The following BCAS3 variants were observed in gnomAD, a reference collection of about 807,000 sequenced individuals.
BCAS3 encodes the protein BCAS3 microtubule associated cell migration factor.
In BCAS3, 53 loss-of-function variants were observed where a neutral mutation model predicts 116.1. The ratio of observed to expected loss-of-function variants is 0.46; its 90% CI spans 0.37 to 0.57. BCAS3 has a LOEUF of 0.57. BCAS3 is among the 20% of genes least tolerant of loss of function. The pLI is 0.00. For synonymous variants in BCAS3, 391 were observed against 408.2 expected (o/e 0.96, Z 0.51); for missense variants, 917 against 1,165.4 (o/e 0.79, Z 3.10).
In BCAS3 at chr17:61,332,894, G is replaced by A. The variant is rs148675187; in HGVS notation, c.2426-35433G>A. The stretch of plus-strand genomic sequence containing the variant: ...GCCTCCCAAAGTGCTGGGATTATAG[G>A]CGTGAGCCATGGCACCCGGCCTATC... On this transcript the variant is annotated intron_variant, in intron 22 of 23. Transcript: ENST00000407086. This position sits in a 1 kb window ranked among gnomAD's most constrained non-coding sequence, Gnocchi z 5.4. 0.011 allele frequency among the ~76,000 whole-genome samples: 1,717 copies of A among 152,324 alleles called. 25 individuals are homozygous for A. The highest frequency in any genetic ancestry group is 0.036 in the African/African-American group (1,510 of 41,572).
rs115284902 is a variant in BCAS3 at position 61,261,990 on chromosome 17, A to G, written c.2426-106337A>G. Among the ~76,000 whole-genome samples the G allele has an allele frequency of 0.022, 3,333 of 152,314 alleles. 119 individuals carry two copies. The highest frequency in any genetic ancestry group is 0.075 in the African/African-American group (3,115 of 41,550). On this transcript the variant is annotated intron_variant, in intron 22 of 23. Coordinates refer to ENST00000407086, the MANE Select transcript of BCAS3 (RefSeq NM_017679.5). This position sits in a 1 kb window ranked among gnomAD's most constrained non-coding sequence, Gnocchi z 4.4. ...ATGTCCACGAATACCGTTTCTATTCAGTGTTATACTAGAAGTACTACCCAG... is the reference window on the plus strand; with the variant it reads ...ATGTCCACGAATACCGTTTCTATTCGGTGTTATACTAGAAGTACTACCCAG...
intron 22 of BCAS3, among the ~76,000 whole-genome samples, chr17:61,359,138 T>TA (rs1952105997): frequency 6.6e-6 from 1 of 152,108 alleles, no homozygotes; most frequent in African/African-American, 2.4e-5. Flanking sequence ...CAGGCTCCAG[T>TA]ATTTCTCCTC....
At position 61,145,850 on chromosome 17, in the gene BCAS3, A is replaced by T. The variant is rs758542; in HGVS notation, c.2425+61286A>T. Among the ~76,000 whole-genome samples the T allele has an allele frequency of 0.93, 141,785 of 152,004 alleles. 66,904 individuals are homozygous for T. The highest frequency in any genetic ancestry group is 1 in the East Asian group (5,144 of 5,144). Reference sequence around the variant, plus strand: ...AGGTTTGATTTGAACTTCATGTACAAGACATATTTCATTTTTTTTTCTTCC... The same window carrying T: ...AGGTTTGATTTGAACTTCATGTACATGACATATTTCATTTTTTTTTCTTCC... On this transcript the variant is annotated intron_variant, in intron 22 of 23. Transcript: ENST00000407086. This position sits in a 1 kb window ranked among gnomAD's most constrained non-coding sequence, Gnocchi z 5.0.
At chr17:61,146,532 A>G (rs1469401297) in intron 22 of BCAS3, among the ~76,000 whole-genome samples, 1 of 152,030 alleles carries the variant, frequency 6.6e-6, no homozygotes, top group Non-Finnish European at 1.5e-5. Flanking sequence ...TCTCCCCACA[A>G]CCCTCAAATA....
rs545830913 is a variant in BCAS3, at chr17:61,042,582, T to C, written c.2029+1690T>C. 5.9e-5 allele frequency among the ~76,000 whole-genome samples: 9 copies of C among 152,008 alleles called. No individual in the cohort carries two copies. In the South Asian group the frequency reaches 1.7e-3, roughly 28 times the overall value. On this transcript the variant is annotated intron_variant, in intron 19 of 23. Coordinates refer to ENST00000407086, the MANE Select transcript of BCAS3 (RefSeq NM_017679.5). ...AAGCATAGGAATGACACCATCAAAA[T>C]TGTATTTTAGAAAGATCATTCTGGG... is the stretch of plus-strand genomic sequence containing the variant.
intron 6 of BCAS3, among the ~76,000 whole-genome samples, chr17:60,752,580 T>A (rs1316959010): frequency 2.6e-5 from 4 of 151,932 alleles, no homozygotes; most frequent in African/African-American, 4.8e-5. Context: ...CCCTCCACCA[T>A]GCCTGGCTAA....
intron 16 of BCAS3, among the ~76,000 whole-genome samples, chr17:61,022,582 A>G (rs536516952): frequency 1.7e-4 from 26 of 152,066 alleles, no homozygotes; most frequent in East Asian, 7.8e-4. Context: ...ATAAATTTCT[A>G]CAGAAGTTTG....
Position 61,041,022 on chromosome 17 carries a change from A to G in BCAS3, c.2029+130A>G. On this transcript the variant is annotated intron_variant, in intron 19 of 23. Coordinates refer to ENST00000407086, the MANE Select transcript of BCAS3 (RefSeq NM_017679.5). This position sits in a 1 kb window ranked among gnomAD's most constrained non-coding sequence, Gnocchi z 4.7. ...GCCTTAAAGAATCAGTTTGAGGCAA[A>G]TAAGATATTTAATATGAATATAAAC... 2.9e-6 allele frequency: 2 copies of G among 680,694 alleles called. No individual in the cohort carries two copies. The highest frequency in any genetic ancestry group is 1.9e-5 in the South Asian group (1 of 51,420). 42.2% of individuals were successfully genotyped at this position (680,694 alleles called of 1,614,324 possible). A position where few individuals can be genotyped will look rare whatever the true frequency, so the allele number is the denominator to read the frequency against.
chr17:61,098,041 G>A lies in BCAS3; in HGVS notation c.2425+13477G>A, dbSNP rs2074090550. ...TAGGCAACAACTGACAGGCCTGACT[G>A]GTCATTGGCTTTCCATTCCTGGCAT... On this transcript the variant is annotated intron_variant, in intron 22 of 23. Coordinates refer to ENST00000407086, the MANE Select transcript of BCAS3 (RefSeq NM_017679.5). This position sits in a 1 kb window ranked among gnomAD's most constrained non-coding sequence, Gnocchi z 4.2. Among the ~76,000 whole-genome samples the A allele has an allele frequency of 6.6e-6, 1 of 152,166 alleles. No individual in the cohort carries two copies. The highest frequency in any genetic ancestry group is 2.4e-5 in the African/African-American group (1 of 41,448).
At chr17:61,299,424 C>G (rs1382949531) in intron 22 of BCAS3, among the ~76,000 whole-genome samples, 12 of 111,454 alleles carry the variant, frequency 1.1e-4, no homozygotes, top group African/African-American at 4.5e-4. Context: ...GCCTGGGTGA[C>G]AGAGCGAGAC....
chr17:60,861,566 T>A (rs1306364791), intron 7 of BCAS3, among the ~76,000 whole-genome samples: 1 of 152,192 alleles, frequency 6.6e-6, no homozygotes, highest in Non-Finnish European at 1.5e-5. Flanking sequence ...TTTGTCTTGT[T>A]CTGGTTCTCA....
chr17:60,812,709 A>G (rs1004872107), intron 7 of BCAS3, among the ~76,000 whole-genome samples: 3 of 152,120 alleles, frequency 2.0e-5, no homozygotes, highest in South Asian at 4.1e-4. Context: ...ATACATATGT[A>G]CAGTTGAGTT....
At chr17:61,125,692 A>C (rs1035045983) in intron 22 of BCAS3, among the ~76,000 whole-genome samples, 1 of 152,200 alleles carries the variant, frequency 6.6e-6, no homozygotes, top group African/African-American at 2.4e-5. Flanking sequence ...GACATACACT[A>C]TTCCCAAGAT....
intron 22 of BCAS3, among the ~76,000 whole-genome samples, chr17:61,253,054 G>A (rs1370832212): frequency 6.6e-6 from 1 of 151,028 alleles, no homozygotes; most frequent in Non-Finnish European, 1.5e-5. Flanking sequence ...TTTGTATTTT[G>A]TAGTAGGGAT....
Position 61,320,555 on chromosome 17 carries a change from G to A in BCAS3, c.2426-47772G>A, listed in dbSNP as rs187628719. Reference sequence around the variant, plus strand: ...AAATTAGCCAGGTGTGGTGGCGGGCGCCTGTACCTGCTTGGGAGGCTGAGG... The same window carrying A: ...AAATTAGCCAGGTGTGGTGGCGGGCACCTGTACCTGCTTGGGAGGCTGAGG... On this transcript the variant is annotated intron_variant, in intron 22 of 23. Coordinates refer to ENST00000407086, the MANE Select transcript of BCAS3 (RefSeq NM_017679.5). Among the ~76,000 whole-genome samples, 535 of 151,930 alleles carry A rather than the reference G, an allele frequency of 3.5e-3. 3 individuals are homozygous for A. The highest frequency in any genetic ancestry group is 0.012 in the African/African-American group (493 of 41,456).
intron 20 of BCAS3, among the ~76,000 whole-genome samples, chr17:61,076,867 G>A (rs908380939): frequency 6.6e-6 from 1 of 152,156 alleles, no homozygotes; most frequent in African/African-American, 2.4e-5. Context: ...CCTGTGATTA[G>A]TAGGAATGTG....
chr17:60,691,812 C>G (rs192580517), intron 4 of BCAS3, among the ~76,000 whole-genome samples: 1 of 151,428 alleles, frequency 6.6e-6, no homozygotes, highest in African/African-American at 2.4e-5. Context: ...TCTCTATTAG[C>G]TTATTCTTTC....
chr17:60,753,986 G>T (rs1471309893), intron 6 of BCAS3, among the ~76,000 whole-genome samples: 10 of 152,090 alleles, frequency 6.6e-5, no homozygotes, highest in Admixed American at 6.6e-5. Flanking sequence ...ATGCTACTTT[G>T]TATAAAGTGT....
chr17:61,270,411 C>T (rs2050142926), intron 22 of BCAS3, among the ~76,000 whole-genome samples: 1 of 152,108 alleles, frequency 6.6e-6, no homozygotes, highest in African/African-American at 2.4e-5. Flanking sequence ...GCATAAGCCA[C>T]CATGCCTGGC....
Sources: allele counts gnomAD v4.1 joint callset (sites outside exome capture counted in the v4.1 genomes callset), GRCh38; gene constraint gnomAD v4.1.1; non-coding constraint Gnocchi (gnomAD v3.1); transcripts MANE v1.5; gene names NCBI Gene and HGNC (gene_info 2026-07-23, HGNC 2026-07-21).